The following TBX20 variants were observed in gnomAD, a reference collection of about 807,000 sequenced individuals.
TBX20 encodes T-box transcription factor TBX20.
TBX20 carries 8 observed loss-of-function variants against 42.9 expected under a neutral mutation model. The observed-to-expected ratio is 0.19, with a 90% confidence interval of 0.11 to 0.34. TBX20 has a LOEUF of 0.34. TBX20 is among the 10% of genes least tolerant of loss of function. TBX20 has a pLI of 1.00. For missense variants in TBX20, 411 were observed against 566.0 expected, an observed-to-expected ratio of 0.73 and a Z score of 2.78; for synonymous variants, 198 against 222.8, an observed-to-expected ratio of 0.89 and a Z score of 0.99.
At chr7:35,227,170 T>C (rs1276778940) in intron 6 of TBX20, among the ~76,000 whole-genome samples, 2 of 151,994 alleles carry the variant, frequency 1.3e-5, no homozygotes, top group East Asian at 1.9e-4. Flanking sequence ...GTACAATGTG[T>C]ATGTTTTAAT....
chr7:35,245,170 T>C, intron 3 of TBX20, 113 bp from the exon 4 acceptor site: 1 of 769,888 alleles, frequency 1.3e-6, no homozygotes, highest in Non-Finnish European at 2.2e-6. Flanking sequence ...AGTGGGAAAT[T>C]TTATTGCCCT....
chr7:35,229,342 G>C (rs1329063338), intron 6 of TBX20, among the ~76,000 whole-genome samples: 3 of 152,016 alleles, frequency 2.0e-5, no homozygotes, highest in Non-Finnish European at 4.4e-5. Flanking sequence ...ACTGACTCCA[G>C]ACTAATTTAA....
intron 5 of TBX20, among the ~76,000 whole-genome samples, chr7:35,238,813 T>C (rs1790017234): frequency 6.6e-6 from 1 of 152,082 alleles, no homozygotes; most frequent in African/African-American, 2.4e-5. Flanking sequence ...AAGGTTACAG[T>C]ACTTGCCTTT....
At chr7:35,232,820 C>T (rs1448206293) in intron 5 of TBX20, among the ~76,000 whole-genome samples, 2 of 152,086 alleles carry the variant, frequency 1.3e-5, no homozygotes, top group African/African-American at 2.4e-5. Context: ...GTCAGGAGTT[C>T]GAAACCAGCC....
At position 35,207,010 on chromosome 7, in the gene TBX20, T is replaced by C. The variant is rs1444825304; in HGVS notation, c.891-2428A>G. Among the ~76,000 whole-genome samples the C allele has an allele frequency of 6.0e-5, 9 of 150,294 alleles. No individual in the cohort carries two copies. In the East Asian group the frequency reaches 1.5e-3, roughly 26 times the overall value. ...GCATACTTTTTAACAAATGGACATA[T>C]ACTTTTATTTATCTTGGAAAGACAT... On this transcript the variant is annotated intron_variant, in intron 6 of 7. Coordinates refer to ENST00000408931, the MANE Select transcript of TBX20 (RefSeq NM_001077653.2).
At position 35,248,727 on chromosome 7, in the gene TBX20, G is replaced by A; in HGVS notation, c.495C>T (p.His165=). The A allele has an allele frequency of 6.2e-7, 1 of 1,614,232 alleles. No homozygotes were observed. The highest frequency in any genetic ancestry group is 2.2e-5 in the East Asian group (1 of 44,874). The change falls in exon 3 of 8, where the codon CAC becomes CAT. Residue 165 remains histidine, a synonymous_variant. Coordinates refer to ENST00000408931, the MANE Select transcript of TBX20 (RefSeq NM_001077653.2). ...VDNKRYRYAY[H]RSSWLVAGKA... is the part of the protein sequence containing the mutation. ...TGCCAGCCACCAGCCAGGAGGACCGGTGGTAGGCGTAGCGGTACCTCTTGT... is the reference window on the plus strand; with the variant it reads ...TGCCAGCCACCAGCCAGGAGGACCGATGGTAGGCGTAGCGGTACCTCTTGT...
Position 35,241,042 on chromosome 7 carries a change from A to G in TBX20, c.655-5T>C, listed in dbSNP as rs755507549. ...ATGCATTGAGTTCAAAATTATCTAC[A>G]ACAAAAAGATGGGAAGTACTGAATT... On this transcript the variant is annotated splice_region_variant and splice_polypyrimidine_tract_variant and intron_variant, in intron 4 of 7. Coordinates refer to ENST00000408931, the MANE Select transcript of TBX20 (RefSeq NM_001077653.2). The G allele has an allele frequency of 1.2e-6, 2 of 1,613,716 alleles. No individual in the cohort carries two copies. Among genetic ancestry groups the G allele is most frequent in the East Asian group, 2.2e-5 (1 of 44,868 alleles).
intron 3 of TBX20, among the ~76,000 whole-genome samples, chr7:35,247,282 T>C (rs902585487): frequency 3.3e-5 from 5 of 151,354 alleles, no homozygotes; most frequent in Non-Finnish European, 5.9e-5. Flanking sequence ...TAAAGAATAA[T>C]AGTAAACTAT....
rs1011793658 is a variant in TBX20 at position 35,228,096 on chromosome 7, A to T, written c.890+3408T>A. Among the ~76,000 whole-genome samples, 41 of 13,308 alleles carry T rather than the reference A, an allele frequency of 3.1e-3. No homozygotes were observed. The African/African-American group carries it at 0.04, about 13-fold the overall frequency. The allele number at this position is 13,308 out of a possible 152,430, so 8.7% of individuals were successfully genotyped here. A position where few individuals can be genotyped will look rare whatever the true frequency, so the allele number is the denominator to read the frequency against. ...AAACAATTAAAAATAATACTATGAT[A>T]AAAAAAAAAACATCCTTTGACTCAG... On this transcript the variant is annotated intron_variant, in intron 6 of 7. Coordinates refer to ENST00000408931, the MANE Select transcript of TBX20 (RefSeq NM_001077653.2).
chr7:35,251,389 A>G (rs745809386), intron 1 of TBX20, among the ~76,000 whole-genome samples: 2 of 152,204 alleles, frequency 1.3e-5, no homozygotes, highest in Non-Finnish European at 2.9e-5. Context: ...TTTTACTTTT[A>G]CTTCTCATGC....
intron 1 of TBX20, among the ~76,000 whole-genome samples, chr7:35,251,874 G>A (rs902124905): frequency 4.6e-5 from 7 of 152,202 alleles, no homozygotes; most frequent in African/African-American, 1.4e-4. Context: ...ACTGGCCAGT[G>A]TAAGCGACAA....
intron 4 of TBX20, among the ~76,000 whole-genome samples, chr7:35,243,384 C>T (rs1028672752): frequency 1.1e-4 from 16 of 152,130 alleles, no homozygotes; most frequent in African/African-American, 3.6e-4. Context: ...GACCCTAGAG[C>T]TTCTGAAATC....
intron 6 of TBX20, among the ~76,000 whole-genome samples, chr7:35,219,086 A>G (rs1036717803): frequency 1.3e-5 from 2 of 152,178 alleles, no homozygotes; most frequent in African/African-American, 4.8e-5. Flanking sequence ...AGATACATCT[A>G]AGCACCACTG....
intron 6 of TBX20, among the ~76,000 whole-genome samples, chr7:35,210,412 G>T (rs1370508038): frequency 6.6e-6 from 1 of 152,052 alleles, no homozygotes; most frequent in South Asian, 2.1e-4. Flanking sequence ...ACCGTGCCTG[G>T]CCTAATTTTA....
chr7:35,250,455 A>G (rs1371960290), intron 1 of TBX20, among the ~76,000 whole-genome samples: 1 of 152,224 alleles, frequency 6.6e-6, no homozygotes, highest in Non-Finnish European at 1.5e-5. Flanking sequence ...CCAGTACTGC[A>G]GCCCACTTTG....
chr7:35,226,950 T>C (rs1789782829), intron 6 of TBX20, among the ~76,000 whole-genome samples: 1 of 151,884 alleles, frequency 6.6e-6, no homozygotes, highest in South Asian at 2.1e-4. Flanking sequence ...AGGAGATGTG[T>C]GTTATTGCCC....
At chr7:35,231,746 G>A (rs1032390488) in intron 5 of TBX20, among the ~76,000 whole-genome samples, 166 bp from the exon 6 acceptor site, 2 of 152,204 alleles carry the variant, frequency 1.3e-5, no homozygotes, top group African/African-American at 4.8e-5. Flanking sequence ...ACAAATCCCA[G>A]CCAGGTGGGA....
intron 5 of TBX20, among the ~76,000 whole-genome samples, chr7:35,238,563 T>C (rs1790011681): frequency 6.6e-6 from 1 of 152,194 alleles, no homozygotes; most frequent in Non-Finnish European, 1.5e-5. Context: ...ATAAAAGCTA[T>C]GAAATCAATT....
At chr7:35,248,893 T>C (rs780873587) in intron 2 of TBX20, 52 bp from the exon 3 acceptor site, 20 of 1,603,116 alleles carry the variant, frequency 1.2e-5, no homozygotes, top group Non-Finnish European at 1.7e-5. Context: ...CCTAATAAAC[T>C]GACCTGAATT....
Sources: allele counts gnomAD v4.1 joint callset (sites outside exome capture counted in the v4.1 genomes callset), GRCh38; gene constraint gnomAD v4.1.1; transcripts MANE v1.5; gene names NCBI Gene and HGNC (gene_info 2026-07-23, HGNC 2026-07-21).